Variants in DAB1 observed in about 807,000 individuals in gnomAD.
DAB1 encodes disabled homolog 1.
DAB1 carries 15 observed loss-of-function variants against 64.6 expected under a neutral mutation model. The ratio of observed to expected loss-of-function variants is 0.23; its 90% confidence interval spans 0.16 to 0.36. DAB1 has a LOEUF of 0.36. DAB1 is among the 10% of genes least tolerant of loss of function. DAB1 has a pLI of 1.00. For synonymous variants in DAB1, 235 were observed against 251.9 expected, an observed-to-expected ratio of 0.93 and a Z score of 0.64; for missense variants, 596 against 706.7, an observed-to-expected ratio of 0.84 and a Z score of 1.78.
At chr1:57,892,246 C>T (rs1054354728) in intron 5 of DAB1, among the ~76,000 whole-genome samples, 3 of 152,156 alleles carry the variant, frequency 2.0e-5, no homozygotes, top group Non-Finnish European at 4.4e-5. Flanking sequence ...TCAATCACAG[C>T]GACTTTGAGT....
chr1:58,058,898 C>T (rs1029745184), intron 5 of DAB1, among the ~76,000 whole-genome samples: 24 of 152,198 alleles, frequency 1.6e-4, no homozygotes, highest in African/African-American at 4.8e-4. Flanking sequence ...GCCAGGAACA[C>T]AACACAAAAT....
At chr1:57,402,309 T>C (rs1186486263) in intron 1 of DAB1, among the ~76,000 whole-genome samples, 3 of 152,248 alleles carry the variant, frequency 2.0e-5, no homozygotes, top group Non-Finnish European at 4.4e-5. Context: ...TTAGTCACCA[T>C]ATTTTATTAC....
At chr1:58,446,554 A>G (rs1451963884) in intron 3 of DAB1, among the ~76,000 whole-genome samples, 2 of 152,194 alleles carry the variant, frequency 1.3e-5, no homozygotes, top group Non-Finnish European at 2.9e-5. Context: ...GTGGTGGACA[A>G]GTAAGTGCAT....
intron 3 of DAB1, among the ~76,000 whole-genome samples, chr1:58,350,890 T>C (rs1457637864): frequency 6.6e-6 from 1 of 152,214 alleles, no homozygotes; most frequent in Non-Finnish European, 1.5e-5. Flanking sequence ...TTAGGTAGCA[T>C]GATGCCTCCA....
intron 1 of DAB1, among the ~76,000 whole-genome samples, chr1:57,317,024 A>G (rs1259266866): frequency 1.3e-5 from 2 of 152,240 alleles, no homozygotes; most frequent in African/African-American, 2.4e-5. Flanking sequence ...GGTTATAGAA[A>G]GACCCCGACT....
At chr1:58,544,580 T>C (rs1481922566) in intron 1 of DAB1, among the ~76,000 whole-genome samples, 1 of 152,212 alleles carries the variant, frequency 6.6e-6, no homozygotes, top group Non-Finnish European at 1.5e-5. Flanking sequence ...CAACTATTTC[T>C]GTAATTCCCA....
chr1:57,449,476 G>A (rs1056166507), intron 7 of DAB1, among the ~76,000 whole-genome samples: 2 of 151,734 alleles, frequency 1.3e-5, no homozygotes, highest in East Asian at 3.9e-4. Flanking sequence ...AAACTCTAGG[G>A]CTTAAGAGAT....
chr1:57,187,360 C>T (rs919108825), intron 2 of DAB1, among the ~76,000 whole-genome samples: 35 of 152,288 alleles, frequency 2.3e-4, no homozygotes, highest in African/African-American at 7.2e-4. Flanking sequence ...TTATAAATCT[C>T]CTCACATCAT....
chr1:57,926,275 A>G (rs377747881), intron 5 of DAB1, among the ~76,000 whole-genome samples: 1 of 151,984 alleles, frequency 6.6e-6, no homozygotes, highest in Non-Finnish European at 1.5e-5. Flanking sequence ...TCTGAGTTCC[A>G]CTGAGAAAGG....
chr1:57,322,683 T>C (rs1453301612), intron 1 of DAB1, among the ~76,000 whole-genome samples: 1 of 152,216 alleles, frequency 6.6e-6, no homozygotes, highest in Non-Finnish European at 1.5e-5. Context: ...CAGTAGGAGA[T>C]ACTCTATTAA....
intron 6 of DAB1, among the ~76,000 whole-genome samples, chr1:57,790,151 C>T (rs184067550): frequency 7.2e-5 from 11 of 152,256 alleles, no homozygotes; most frequent in Non-Finnish European, 1.6e-4. Context: ...TGGCTGTGTC[C>T]TCACCCAAAT....
chr1:57,453,748 A>C (rs931390595), intron 7 of DAB1, among the ~76,000 whole-genome samples: 6 of 152,208 alleles, frequency 3.9e-5, no homozygotes, highest in Non-Finnish European at 8.8e-5. Flanking sequence ...CATAATTTGC[A>C]TTAATTACAA....
At chr1:57,212,881 C>A (rs190366686) in intron 2 of DAB1, among the ~76,000 whole-genome samples, 385 of 152,274 alleles carry the variant, frequency 2.5e-3, no homozygotes, top group African/African-American at 9.0e-3. Context: ...GTCTCAGAAC[C>A]CTTCTGCCAT....
At chr1:57,027,860 A>G (rs751442728) in intron 9 of DAB1, among the ~76,000 whole-genome samples, 1 of 152,158 alleles carries the variant, frequency 6.6e-6, no homozygotes, top group Non-Finnish European at 1.5e-5. Flanking sequence ...TTTTCTTTCC[A>G]GCTGCACAAT....
intron 7 of DAB1, among the ~76,000 whole-genome samples, chr1:57,460,992 A>G (rs1324638586): frequency 6.6e-6 from 1 of 152,180 alleles, no homozygotes; most frequent in African/African-American, 2.4e-5. Context: ...CTGTCAACCC[A>G]TCACCTAAGT....
intron 1 of DAB1, among the ~76,000 whole-genome samples, chr1:57,834,186 TCA>T (rs1453202464): frequency 3.3e-5 from 5 of 152,214 alleles, no homozygotes; most frequent in Admixed American, 2.6e-4. Context: ...TGCAGTAAAT[TCA>T]CAGTTTTGTC....
chr1:57,196,310 G>T (rs1385319402), intron 2 of DAB1, among the ~76,000 whole-genome samples: 2 of 152,202 alleles, frequency 1.3e-5, no homozygotes, highest in South Asian at 4.1e-4. Context: ...CGTTAGCTCA[G>T]TGTAGCCATC....
At chr1:57,465,797 T>C (rs1461357446) in intron 7 of DAB1, among the ~76,000 whole-genome samples, 1 of 152,180 alleles carries the variant, frequency 6.6e-6, no homozygotes, top group Non-Finnish European at 1.5e-5. Flanking sequence ...TTCTGTTATC[T>C]AGGATTCCCT....
intron 6 of DAB1, among the ~76,000 whole-genome samples, chr1:57,789,855 A>G (rs1650510730): frequency 6.6e-6 from 1 of 152,216 alleles, no homozygotes; most frequent in Non-Finnish European, 1.5e-5. Context: ...CTGACCAAGA[A>G]GATTTCTTGT....
Sources: allele counts gnomAD v4.1 joint callset (sites outside exome capture counted in the v4.1 genomes callset), GRCh38; gene constraint gnomAD v4.1.1; transcripts MANE v1.5; gene names NCBI Gene and HGNC (gene_info 2026-07-23, HGNC 2026-07-21).